Variants in ZNF428 observed in about 807,000 individuals in gnomAD.
The protein encoded by ZNF428 is zinc finger protein 428, also known as enzyme-like protein PIT13.
Under a neutral mutation model 15.6 loss-of-function variants are expected in ZNF428, and 5 were observed. The observed-to-expected ratio is 0.32, with a 90% confidence interval of 0.17 to 0.67. ZNF428 has a LOEUF of 0.67. Among genes scored for constraint, ZNF428 ranks in the 30% least tolerant of loss-of-function variants. The pLI, the probability that ZNF428 is intolerant of heterozygous loss-of-function variation, is 0.73. For synonymous variants in ZNF428, 97 were observed against 102.2 expected, an observed-to-expected ratio of 0.95 and a Z score of 0.31; for missense variants, 237 against 256.0, an observed-to-expected ratio of 0.93 and a Z score of 0.51.
In ZNF428 at chr19:43,607,395, AAACACACACACGGGCGGGAATACACAC is replaced by A; in HGVS notation, c.*195_*221del. Reference sequence around the variant, plus strand: ...AATACACACACACACACACACACACAAACACACACACGGGCGGGAATACACACACACACACACACACTCTGAACCAAC... The same window carrying A: ...AATACACACACACACACACACACACAACACACACACACACTCTGAACCAAC... On this transcript the variant is annotated 3_prime_UTR_variant, in exon 3 of 3. Coordinates refer to ENST00000300811, the MANE Select transcript of ZNF428 (RefSeq NM_182498.4). The surrounding 1 kb of genome is among the most constrained non-coding windows in gnomAD (Gnocchi z 5.1). 1 of 546,756 alleles carries A rather than the reference AAACACACACACGGGCGGGAATACACAC, an allele frequency of 1.8e-6. No homozygotes were observed. The highest frequency in any genetic ancestry group is 3.1e-6 in the Non-Finnish European group (1 of 326,058). The allele number at this position is 546,756 out of a possible 1,614,324, so 33.9% of individuals were successfully genotyped here.
At position 43,607,656 on chromosome 19, in the gene ZNF428, C is replaced by T. The variant is rs769639989; in HGVS notation, c.528G>A (p.Leu176=). 3 of 1,605,398 alleles carry T rather than the reference C, an allele frequency of 1.9e-6. No individual in the cohort carries two copies. Among genetic ancestry groups the T allele is most frequent in the South Asian group, 1.1e-5 (1 of 89,762 alleles). Reference sequence around the variant, plus strand: ...GGGCATGCAGCATGAAGTGCCCGTGCAGCTCCCCCAGGTTGTCGAAGGAAT... The same window carrying T: ...GGGCATGCAGCATGAAGTGCCCGTGTAGCTCCCCCAGGTTGTCGAAGGAAT... The part of the protein sequence containing the change: ...CEDSFDNLGE[L]HGHFMLHARG... The change falls in exon 3 of 3, where the codon CTG becomes CTA. Residue 176 remains leucine (L), a synonymous_variant. Coordinates refer to ENST00000300811, the MANE Select transcript of ZNF428 (RefSeq NM_182498.4). The surrounding 1 kb of genome is among the most constrained non-coding windows in gnomAD (Gnocchi z 5.1).
chr19:43,613,082 G>A lies in ZNF428; in HGVS notation c.76+1147C>T, dbSNP rs1341959252. 1.9e-6 allele frequency: 3 copies of A among 1,551,522 alleles called. No individual in the cohort carries two copies. In the South Asian group the frequency reaches 3.6e-5, roughly 18 times the overall value. ...CAGGGCAAGAAGTCGCACCCGGAAG[G>A]GAATTCTGAGCCAGATGGGAAGACA... is the stretch of plus-strand genomic sequence containing the variant. On this transcript the variant is annotated intron_variant, in intron 2 of 2. Coordinates refer to ENST00000300811, the MANE Select transcript of ZNF428 (RefSeq NM_182498.4).
At chr19:43,615,593 C>T (rs4447537) in intron 1 of ZNF428, among the ~76,000 whole-genome samples, 77,302 of 151,392 alleles carry the variant, frequency 0.51, 20,046 homozygotes, top group African/African-American at 0.61. Context: ...ATAGTCCCAG[C>T]TACCTGAGAG....
At chr19:43,613,548 C>G (rs1391238425) in intron 2 of ZNF428, 21 of 1,551,410 alleles carry the variant, frequency 1.4e-5, no homozygotes, top group Non-Finnish European at 1.8e-5. Context: ...CGCAGCCGAT[C>G]TAGAAGCCCC....
intron 1 of ZNF428, 30 bp from the exon 2 acceptor site, chr19:43,614,464 T>G (rs907085378): frequency 6.2e-5 from 89 of 1,431,406 alleles, no homozygotes; most frequent in Admixed American, 1.5e-4. Flanking sequence ...AGACCTGTGA[T>G]GATTCAATAA....
At chr19:43,616,762 C>A (rs551872063) in intron 1 of ZNF428, among the ~76,000 whole-genome samples, 40 of 152,000 alleles carry the variant, frequency 2.6e-4, no homozygotes, top group African/African-American at 8.7e-4. Context: ...CTTTTCACAT[C>A]TGTGGGTCTT....
At chr19:43,615,667 C>T (rs994499149) in intron 1 of ZNF428, among the ~76,000 whole-genome samples, 2 of 152,052 alleles carry the variant, frequency 1.3e-5, no homozygotes, top group African/African-American at 2.4e-5. Flanking sequence ...GACCTTGCCA[C>T]TGCACTCAAG....
intron 2 of ZNF428, among the ~76,000 whole-genome samples, chr19:43,610,990 C>G (rs1973289731): frequency 6.6e-6 from 1 of 152,190 alleles, no homozygotes. Context: ...GTTCCCCACT[C>G]TATCCACCTG....
At chr19:43,613,843 C>T (rs926659985) in intron 2 of ZNF428, 13 of 1,550,682 alleles carry the variant, frequency 8.4e-6, no homozygotes, top group African/African-American at 4.1e-5. Context: ...GATGGAGAAG[C>T]CCCAGCAAGG....
intron 2 of ZNF428, among the ~76,000 whole-genome samples, chr19:43,610,564 C>T (rs907163574): frequency 1.3e-5 from 2 of 151,288 alleles, no homozygotes; most frequent in Non-Finnish European, 3.0e-5. Context: ...TACTGCCTGT[C>T]CCCGAGAGCT....
At chr19:43,613,485 C>G (rs1262420909) in intron 2 of ZNF428, 1 of 1,544,860 alleles carries the variant, frequency 6.5e-7, no homozygotes, top group African/African-American at 1.5e-5. Flanking sequence ...TCTAGAAGTC[C>G]CAACAAGGCA....
intron 1 of ZNF428, among the ~76,000 whole-genome samples, chr19:43,618,951 A>C (rs934613082): frequency 6.6e-6 from 1 of 152,084 alleles, no homozygotes; most frequent in Non-Finnish European, 1.5e-5. Context: ...AGGTAGGGCC[A>C]TCCCTTGGTT....
At chr19:43,616,158 G>A (rs1404670607) in intron 1 of ZNF428, among the ~76,000 whole-genome samples, 2 of 152,164 alleles carry the variant, frequency 1.3e-5, no homozygotes, top group African/African-American at 4.8e-5. Flanking sequence ...AACTGTGGAT[G>A]AAAACCAATA....
chr19:43,612,641 G>C lies in ZNF428; in HGVS notation c.76+1588C>G. The C allele has an allele frequency of 6.4e-7, 1 of 1,551,372 alleles. No homozygotes were observed. Among genetic ancestry groups the C allele is most frequent in the Non-Finnish European group, 8.7e-7 (1 of 1,146,964 alleles). ...AAAAGGGAGCCGGGGAAAGAGTTACGGCCGGCCTAGAACCAGCAACAGGGA... is the reference window on the plus strand; with the variant it reads ...AAAAGGGAGCCGGGGAAAGAGTTACCGCCGGCCTAGAACCAGCAACAGGGA... On this transcript the variant is annotated intron_variant, in intron 2 of 2. Coordinates refer to ENST00000300811, the MANE Select transcript of ZNF428 (RefSeq NM_182498.4). This position sits in a 1 kb window ranked among gnomAD's most constrained non-coding sequence, Gnocchi z 4.2.
intron 2 of ZNF428, among the ~76,000 whole-genome samples, chr19:43,610,698 A>G (rs1362688866): frequency 6.6e-6 from 1 of 152,020 alleles, no homozygotes; most frequent in Non-Finnish European, 1.5e-5. Context: ...ACCTTTTCTG[A>G]GGCTTCACAC....
In ZNF428 at chr19:43,614,291, C is replaced by A; in HGVS notation, c.14G>T (p.Arg5Leu). Reference protein sequence around the residue: MTETREPAETGGYAS... With the variant: MTETLEPAETGGYAS... ...GTAGCCCCCAGTCTCAGCTGGCTCA[C>A]GGGTCTCTGTCATGACCGGGGGAGG... Residue 5 changes from arginine (R) to leucine (L), a missense_variant, in exon 2 of 3, where the codon CGT becomes CTT. Coordinates refer to ENST00000300811, the MANE Select transcript of ZNF428 (RefSeq NM_182498.4). 1 of 1,610,164 alleles carries A rather than the reference C, an allele frequency of 6.2e-7. No homozygotes were observed. The highest frequency in any genetic ancestry group is 8.5e-7 in the Non-Finnish European group (1 of 1,177,794).
rs549878484 is a variant in ZNF428 at position 43,612,067 on chromosome 19, C to G, written c.76+2162G>C. ...CAATCAGGTCATCGTCCACGGCTAC[C>G]AGGTGTTTCATGTCTACTGTGACTT... On this transcript the variant is annotated intron_variant, in intron 2 of 2. Transcript: ENST00000300811. This position sits in a 1 kb window ranked among gnomAD's most constrained non-coding sequence, Gnocchi z 4.2. 1 of 1,325,782 alleles carries G rather than the reference C, an allele frequency of 7.5e-7. No homozygotes were observed. Among genetic ancestry groups the G allele is most frequent in the East Asian group, 2.5e-5 (1 of 39,788 alleles). 82.1% of individuals were successfully genotyped at this position (1,325,782 alleles called of 1,614,324 possible).
Position 43,612,636 on chromosome 19 carries a change from GT to G in ZNF428, c.76+1592del. The G allele has an allele frequency of 6.4e-7, 1 of 1,551,472 alleles. No individual in the cohort carries two copies. The highest frequency in any genetic ancestry group is 8.7e-7 in the Non-Finnish European group (1 of 1,146,958). On this transcript the variant is annotated intron_variant, in intron 2 of 2. Transcript: ENST00000300811. The surrounding 1 kb of genome is among the most constrained non-coding windows in gnomAD (Gnocchi z 4.2). ...CAGCAAAAAGGGAGCCGGGGAAAGA[GT>G]TACGGCCGGCCTAGAACCAGCAACA...
chr19:43,608,154 G>A, intron 2 of ZNF428, 47 bp from the exon 3 acceptor site: 1 of 1,569,556 alleles, frequency 6.4e-7, no homozygotes, highest in South Asian at 1.2e-5. Context: ...GAGGAAAGAG[G>A]GCTAGGCCAA....
Sources: gnomAD v4.1 joint callset for allele counts (sites outside exome capture counted in the v4.1 genomes callset) on GRCh38, gnomAD v4.1.1 for gene constraint, Gnocchi (gnomAD v3.1) non-coding constraint, MANE v1.5 for transcripts, NCBI Gene and HGNC (gene_info 2026-07-23, HGNC 2026-07-21) for gene names.